Variants in EGFR observed in about 807,000 individuals in gnomAD.
EGFR encodes avian erythroblastic leukemia viral (v-erb-b) oncogene homolog.
A neutral mutation model predicts 143.0 loss-of-function variants in EGFR; 58 were observed. That is an observed-to-expected ratio of 0.41 (90% CI 0.33 to 0.50). The LOEUF (loss-of-function observed/expected upper bound fraction) is 0.50. Among genes scored for constraint, EGFR ranks in the 20% least tolerant of loss-of-function variants. The pLI is 0.39. For synonymous variants in EGFR, 613 were observed against 594.4 expected, an observed-to-expected ratio of 1.03 and a Z score of -0.45; for missense variants, 1,307 against 1,579.0, an observed-to-expected ratio of 0.83 and a Z score of 2.92.
chr7:55,148,033 C>G (rs1229574109), intron 4 of EGFR, among the ~76,000 whole-genome samples: 3 of 152,212 alleles, frequency 2.0e-5, no homozygotes, highest in African/African-American at 7.2e-5. Context: ...ATTCACCTAT[C>G]TACAGACACT....
At chr7:55,203,423 A>G (rs1562808326) in intron 27 of EGFR, among the ~76,000 whole-genome samples, 7 of 64,182 alleles carry the variant, frequency 1.1e-4, no homozygotes, top group African/African-American at 3.9e-4. Flanking sequence ...CACAACACAC[A>G]ACACAGACAC....
chr7:55,175,612 G>A (rs1203455028), intron 19 of EGFR, among the ~76,000 whole-genome samples: 2 of 152,176 alleles, frequency 1.3e-5, no homozygotes, highest in East Asian at 1.9e-4. Flanking sequence ...AGGAGGTCAA[G>A]GGGCTCAGGC....
At chr7:55,117,386 G>A (rs1055269029) in intron 1 of EGFR, among the ~76,000 whole-genome samples, 1 of 152,178 alleles carries the variant, frequency 6.6e-6, no homozygotes, top group Admixed American at 6.5e-5. Flanking sequence ...ATTTCCCGGG[G>A]TGGGGGGGAC....
At chr7:55,107,448 T>C (rs1386790348) in intron 1 of EGFR, among the ~76,000 whole-genome samples, 1 of 152,200 alleles carries the variant, frequency 6.6e-6, no homozygotes, top group South Asian at 2.1e-4. Flanking sequence ...TTAAGCAATA[T>C]AAAAAATCTA....
chr7:55,151,661 G>A (rs1015309441), intron 5 of EGFR, among the ~76,000 whole-genome samples: 2 of 152,146 alleles, frequency 1.3e-5, no homozygotes, highest in Non-Finnish European at 2.9e-5. Flanking sequence ...GGATCACGAG[G>A]TCAGGAGATC....
At chr7:55,119,600 T>C (rs920560470) in intron 1 of EGFR, among the ~76,000 whole-genome samples, 20 of 152,178 alleles carry the variant, frequency 1.3e-4, no homozygotes, top group African/African-American at 4.8e-4. Flanking sequence ...CTAGGAAATG[T>C]TCAAAAAAAG....
intron 1 of EGFR, chr7:55,110,086 C>T (rs1792383092): frequency 2.5e-6 from 1 of 394,250 alleles, no homozygotes; most frequent in African/African-American, 2.2e-5. Flanking sequence ...GAGGAGATTC[C>T]TAGGAATCTT....
At chr7:55,170,713 C>A in intron 15 of EGFR, 1 of 1,521,304 alleles carries the variant, frequency 6.6e-7, no homozygotes, top group Non-Finnish European at 8.8e-7. Context: ...CTGACCTCTT[C>A]CTCCTCGCTG....
intron 1 of EGFR, among the ~76,000 whole-genome samples, chr7:55,119,814 C>T (rs1272239120): frequency 2.6e-5 from 4 of 152,192 alleles, no homozygotes; most frequent in African/African-American, 4.8e-5. Flanking sequence ...CATTCTGTTG[C>T]AGCAGGTGAC....
At chr7:55,137,107 T>G (rs970820554) in intron 1 of EGFR, among the ~76,000 whole-genome samples, 7 of 152,138 alleles carry the variant, frequency 4.6e-5, no homozygotes, top group African/African-American at 1.4e-4. Flanking sequence ...ACAGATGTAA[T>G]GGTGGGTACT....
intron 4 of EGFR, among the ~76,000 whole-genome samples, chr7:55,147,530 G>A (rs1794832186): frequency 6.6e-6 from 1 of 150,900 alleles, no homozygotes; most frequent in South Asian, 2.1e-4. Flanking sequence ...AAAAAATAGA[G>A]CTGACGTGAA....
At chr7:55,205,230 C>A in intron 27 of EGFR, 26 bp from the exon 28 acceptor site, 13 of 1,613,486 alleles carry the variant, frequency 8.1e-6, no homozygotes, top group Non-Finnish European at 1.1e-5. Context: ...CTGATTACTT[C>A]ACCTCTGATT....
At chr7:55,174,315 G>C (rs1420522205) in intron 18 of EGFR, among the ~76,000 whole-genome samples, 3 of 152,234 alleles carry the variant, frequency 2.0e-5, no homozygotes, top group Non-Finnish European at 1.5e-5. Context: ...GCACAGGGCG[G>C]GAGGAGGGCC....
At chr7:55,174,101 G>A (rs2128953912) in intron 18 of EGFR, 58 bp downstream of exon 18, 2 of 1,611,234 alleles carry the variant, frequency 1.2e-6, no homozygotes, top group Non-Finnish European at 8.5e-7. Flanking sequence ...TGGTCTGGTG[G>A]GGAGCCCAGA....
intron 1 of EGFR, among the ~76,000 whole-genome samples, chr7:55,024,339 GC>G (rs1268600957): frequency 1.3e-5 from 2 of 152,194 alleles, no homozygotes; most frequent in Non-Finnish European, 2.9e-5. Flanking sequence ...TCAGCAGCTT[GC>G]TTTAGCAAGC....
chr7:55,092,640 T>C (rs949671279), intron 1 of EGFR, among the ~76,000 whole-genome samples: 2 of 152,258 alleles, frequency 1.3e-5, no homozygotes, highest in African/African-American at 2.4e-5. Flanking sequence ...AATAGCTTTA[T>C]GGAATCAACT....
intron 5 of EGFR, among the ~76,000 whole-genome samples, chr7:55,151,916 CA>C (rs1161926375): frequency 1.3e-5 from 2 of 152,174 alleles, no homozygotes; most frequent in Non-Finnish European, 2.9e-5. Context: ...TGAACATCAG[CA>C]AGTACCCCAG....
chr7:55,155,796 C>T lies in EGFR; in HGVS notation c.890-34C>T, dbSNP rs201161013. The T allele has an allele frequency of 1.1e-3, 1,737 of 1,587,434 alleles. 3 individuals are homozygous for T. Among genetic ancestry groups the T allele is most frequent in the Non-Finnish European group, 1.3e-3 (1,513 of 1,155,790 alleles). ...GTGAGGCCCGAGCACCTGGTGCCAC[C>T]GTCATCACCTTCCTTTCATGCTCTC... On this transcript the variant is annotated intron_variant, in intron 7 of 27. Coordinates refer to ENST00000275493, the MANE Select transcript of EGFR (RefSeq NM_005228.5).
chr7:55,165,381 G>A lies in EGFR; in HGVS notation c.1824G>A (p.Trp608Ter), dbSNP rs1785920742. 1 of 1,614,056 alleles carries A rather than the reference G, an allele frequency of 6.2e-7. No homozygotes were observed. The highest frequency in any genetic ancestry group is 8.5e-7 in the Non-Finnish European group (1 of 1,180,044). Residue 608 changes from tryptophan (W) to a stop codon, truncating the protein, a stop_gained, in exon 15 of 28, where the codon TGG becomes TGA. Transcript: ENST00000275493. LOFTEE classifies it high-confidence loss of function. ...GVMGENNTLV[W>*]KYADAGHVCH... is the part of the protein sequence containing the mutation. ...TGGGAGAAAACAACACCCTGGTCTG[G>A]AAGTACGCAGACGCCGGCCATGTGT... is the stretch of plus-strand genomic sequence containing the variant.
Sources: gnomAD v4.1 joint callset for allele counts (sites outside exome capture counted in the v4.1 genomes callset) on GRCh38, gnomAD v4.1.1 for gene constraint, MANE v1.5 for transcripts, NCBI Gene and HGNC (gene_info 2026-07-23, HGNC 2026-07-21) for gene names.